The following ODF2L variants were observed in gnomAD, a reference collection of about 807,000 sequenced individuals.
ODF2L encodes protein BCAP.
ODF2L carries 76 observed loss-of-function variants against 86.3 expected under a neutral mutation model. The observed-to-expected ratio is 0.88, with a 90% CI of 0.73 to 1.07. The LOEUF is 1.07. Ranked by LOEUF, ODF2L falls within the 50% of genes least tolerant of loss-of-function variation. ODF2L has a pLI of 0.00. For synonymous variants in ODF2L, 241 were observed against 231.3 expected, an observed-to-expected ratio of 1.04 and a Z score of -0.38; for missense variants, 748 against 717.4, an observed-to-expected ratio of 1.04 and a Z score of -0.49.
exon 1 of ODF2L, chr1:86,396,089 T>C (rs1661725608): frequency 1.3e-5 from 2 of 152,250 alleles, no homozygotes; most frequent in South Asian, 4.1e-4. Context: ...CGCCGCGATA[T>C]AAAAAAAGGG....
chr1:86,395,033 C>CG (rs1661627410), intron 1 of ODF2L, among the ~76,000 whole-genome samples: 1 of 151,860 alleles, frequency 6.6e-6, no homozygotes, highest in African/African-American at 2.4e-5. Context: ...TTAGTAGAGA[C>CG]GGGGTTTCAC....
intron 5 of ODF2L, 34 bp downstream of exon 5, chr1:86,383,100 A>G: frequency 7.1e-7 from 1 of 1,412,466 alleles, no homozygotes; most frequent in Non-Finnish European, 1.0e-6. Context: ...AATGACAGGA[A>G]GAATGGACAC....
At chr1:86,378,119 A>G (rs1055612505) in intron 7 of ODF2L, among the ~76,000 whole-genome samples, 1 of 152,154 alleles carries the variant, frequency 6.6e-6, no homozygotes, top group African/African-American at 2.4e-5. Context: ...CTGATTAGAA[A>G]TTTCTTCTAC....
At chr1:86,376,177 A>G (rs943802498) in intron 8 of ODF2L, 56 bp downstream of exon 8, 1 of 924,570 alleles carries the variant, frequency 1.1e-6, no homozygotes, top group African/African-American at 1.7e-5. Context: ...GATATTAATT[A>G]TATAAACTAC....
chr1:86,386,527 A>T (rs978565119), intron 2 of ODF2L: 1 of 160,780 alleles, frequency 6.2e-6, no homozygotes, highest in African/African-American at 2.4e-5. Context: ...CTGGGACAAC[A>T]GGCACACGCT....
exon 8 of ODF2L, chr1:86,376,371 A>C (rs1487671513): frequency 5.6e-6 from 9 of 1,608,500 alleles, no homozygotes; most frequent in Non-Finnish European, 7.6e-6. Flanking sequence ...CCTCATTCTT[A>C]TTCATTCTTG....
At chr1:86,389,850 C>A (rs1371369357) in intron 1 of ODF2L, among the ~76,000 whole-genome samples, 1 of 152,072 alleles carries the variant, frequency 6.6e-6, no homozygotes, top group African/African-American at 2.4e-5. Context: ...ATGAGAAACC[C>A]TGAACAGACC....
intron 1 of ODF2L, among the ~76,000 whole-genome samples, chr1:86,395,188 G>C (rs932640530): frequency 1.3e-5 from 2 of 152,160 alleles, no homozygotes; most frequent in African/African-American, 4.8e-5. Context: ...AAAACTCCAA[G>C]AACCTCATTC....
downstream of ODF2L, chr1:86,348,838 T>C (rs534876020): frequency 2.2e-5 from 34 of 1,562,808 alleles, no homozygotes; most frequent in South Asian, 4.0e-4. Context: ...CTCAAGACTA[T>C]TTTGTACTTC....
chr1:86,382,397 T>C, intron 6 of ODF2L, 39 bp from the exon 7 acceptor site: 1 of 1,604,802 alleles, frequency 6.2e-7, no homozygotes, highest in South Asian at 1.1e-5. Flanking sequence ...AAAATCCATA[T>C]TATTTGCTGT....
chr1:86,380,237 C>T (rs1453503233), intron 7 of ODF2L, among the ~76,000 whole-genome samples: 1 of 151,986 alleles, frequency 6.6e-6, no homozygotes, highest in Non-Finnish European at 1.5e-5. Context: ...TTCTTAACTG[C>T]CACTAAAATT....
intron 9 of ODF2L, among the ~76,000 whole-genome samples, chr1:86,371,769 T>C (rs533271253): frequency 6.6e-6 from 1 of 152,216 alleles, no homozygotes; most frequent in Non-Finnish European, 1.5e-5. Flanking sequence ...CTTTTAGATA[T>C]ATTTTCACAC....
chr1:86,379,342 A>C (rs1285538792), intron 7 of ODF2L, among the ~76,000 whole-genome samples: 1 of 152,212 alleles, frequency 6.6e-6, no homozygotes, highest in Non-Finnish European at 1.5e-5. Flanking sequence ...TAAAACATAT[A>C]ATCCTATATC....
chr1:86,377,584 C>A lies in ODF2L; in HGVS notation c.625-1166G>T, dbSNP rs532924725. Among the ~76,000 whole-genome samples, 100 of 152,364 alleles carry A rather than the reference C, an allele frequency of 6.6e-4. 1 individual carries two copies. The Middle Eastern group carries it at 0.014, about 21-fold the overall frequency. On this transcript the variant is annotated intron_variant, in intron 7 of 17. Coordinates refer to ENST00000317336, the Ensembl canonical transcript of ODF2L. ...TGGACATCCAGGCACTTCCACACAT[C>A]CCCTGAAATCTAGGCAGAGGTTCCC...
chr1:86,385,464 A>G, exon 3 of ODF2L: 1 of 1,575,516 alleles, frequency 6.3e-7, no homozygotes, highest in South Asian at 1.1e-5. Flanking sequence ...TCACATTTTC[A>G]AAATTAATCT....
At chr1:86,385,633 C>T in intron 2 of ODF2L, 43 bp from the exon 3 acceptor site, 3 of 1,495,060 alleles carry the variant, frequency 2.0e-6, no homozygotes, top group Non-Finnish European at 1.9e-6. Context: ...AAATCCATTT[C>T]ATTTAAAGAT....
chr1:86,376,348 T>C, exon 8 of ODF2L: 1 of 1,613,032 alleles, frequency 6.2e-7, no homozygotes. Flanking sequence ...ACTTGCTTCT[T>C]TCATCACTAT....
At chr1:86,376,407 G>T in exon 8 of ODF2L, 2 of 1,585,862 alleles carry the variant, frequency 1.3e-6, no homozygotes, top group Non-Finnish European at 8.6e-7. Context: ...TGGCTATCTT[G>T]GTTTCTAAGC....
At chr1:86,386,825 C>A in intron 2 of ODF2L, 90 bp downstream of exon 2, 1 of 633,730 alleles carries the variant, frequency 1.6e-6, no homozygotes, top group South Asian at 2.3e-5. Flanking sequence ...TAAAAGAATG[C>A]TGTATTTGAT....
Sources: allele counts gnomAD v4.1 joint callset (sites outside exome capture counted in the v4.1 genomes callset), GRCh38; gene constraint gnomAD v4.1.1; transcripts MANE v1.5; gene names NCBI Gene and HGNC (gene_info 2026-07-23, HGNC 2026-07-21).